Variants in NDST4 observed in about 807,000 individuals in gnomAD.
NDST4 encodes the protein N-heparan sulfate sulfotransferase 4.
In NDST4, 63 loss-of-function variants were observed where a neutral mutation model predicts 100.8. The observed-to-expected ratio is 0.62, with a 90% confidence interval of 0.51 to 0.77. The LOEUF (loss-of-function observed/expected upper bound fraction) is 0.77, where lower values mean the gene tolerates loss of function less well. NDST4 is among the 30% of genes least tolerant of loss of function. The probability of loss-of-function intolerance (pLI) is 0.00; values close to 1 mark genes in which losing one functional copy is unlikely to be tolerated. For synonymous variants in NDST4, 377 were observed against 361.8 expected (o/e 1.04, Z -0.48); for missense variants, 943 against 1,018.4 (o/e 0.93, Z 1.01).
intron 4 of NDST4, among the ~76,000 whole-genome samples, chr4:114,967,987 T>C (rs1031211458): frequency 6.6e-6 from 1 of 152,150 alleles, no homozygotes; most frequent in Non-Finnish European, 1.5e-5. Flanking sequence ...GAAACAGACA[T>C]AGAGAATCTA....
intron 2 of NDST4, among the ~76,000 whole-genome samples, chr4:115,064,044 T>G (rs548648456): frequency 6.6e-6 from 1 of 152,154 alleles, no homozygotes; most frequent in Non-Finnish European, 1.5e-5. Flanking sequence ...CATTACTATG[T>G]AGCTTGTTTT....
chr4:114,925,678 A>C (rs1261097519), intron 6 of NDST4, among the ~76,000 whole-genome samples: 2 of 151,112 alleles, frequency 1.3e-5, no homozygotes, highest in South Asian at 2.1e-4. Flanking sequence ...TGTTCACCTG[A>C]ATTTGCAAGT....
chr4:114,852,798 G>C lies in NDST4; in HGVS notation c.1743C>G (p.His581Gln). The change falls in exon 8 of 14, where the codon CAC becomes CAG. Residue 581 changes from histidine to glutamine, a missense_variant. By Grantham distance (24) the His-to-Gln change is conservative. Coordinates refer to ENST00000264363, the MANE Select transcript of NDST4 (RefSeq NM_022569.3). ...TTTTCTCTCTGGACCAGATGTCTTTGTGTCGTTTATCATCACATGGATTCT... is the reference window on the plus strand; with the variant it reads ...TTTTCTCTCTGGACCAGATGTCTTTCTGTCGTTTATCATCACATGGATTCT... ...LWQNPCDDKR[H>Q]KDIWSREKTC... 2 of 1,612,274 alleles carry C rather than the reference G, an allele frequency of 1.2e-6. No individual in the cohort carries two copies. Among genetic ancestry groups the C allele is most frequent in the Non-Finnish European group, 1.7e-6 (2 of 1,178,968 alleles).
chr4:114,985,009 T>C (rs938955745), intron 2 of NDST4, among the ~76,000 whole-genome samples: 4 of 152,202 alleles, frequency 2.6e-5, no homozygotes, highest in Non-Finnish European at 5.9e-5. Context: ...AAAAAACTTA[T>C]ACCAAGTTTT....
chr4:114,860,395 T>A (rs1723893285), intron 7 of NDST4, among the ~76,000 whole-genome samples: 1 of 152,142 alleles, frequency 6.6e-6, no homozygotes, highest in Non-Finnish European at 1.5e-5. Context: ...ATTATGCAGA[T>A]TCCCAGCTAG....
chr4:115,013,677 G>A (rs1727610688), intron 2 of NDST4, among the ~76,000 whole-genome samples: 1 of 151,736 alleles, frequency 6.6e-6, no homozygotes, highest in African/African-American at 2.4e-5. Flanking sequence ...GCAGTTCCCT[G>A]AACTCATCCT....
chr4:114,970,421 T>G lies in NDST4; in HGVS notation c.1221+9A>C. ...TAGTTCAAAAGATACCACAATAAAA[T>G]GTGCTCACCAGTGCAAATTCCTTGT... On this transcript the variant is annotated intron_variant, in intron 4 of 13. Coordinates refer to ENST00000264363, the MANE Select transcript of NDST4 (RefSeq NM_022569.3). 5 of 1,606,316 alleles carry G rather than the reference T, an allele frequency of 3.1e-6. No homozygotes were observed. The highest frequency in any genetic ancestry group is 4.3e-6 in the Non-Finnish European group (5 of 1,175,478).
rs549488151 is a variant in NDST4 at position 114,938,056 on chromosome 4, G to C, written c.1222-553C>G. On this transcript the variant is annotated intron_variant, in intron 4 of 13. Coordinates refer to ENST00000264363, the MANE Select transcript of NDST4 (RefSeq NM_022569.3). ...GATCTGCTCTGAGTTTTAAGAAGAA[G>C]AACCTAGTGACAGCATGTTAAGATA... Among the ~76,000 whole-genome samples, 4 of 152,300 alleles carry C rather than the reference G, an allele frequency of 2.6e-5. No individual in the cohort carries two copies. In the East Asian group the frequency reaches 7.7e-4, roughly 29 times the overall value.
intron 3 of NDST4, among the ~76,000 whole-genome samples, chr4:114,974,023 GATA>G (rs927906960): frequency 1.7e-4 from 26 of 151,614 alleles, no homozygotes; most frequent in African/African-American, 6.3e-4. Flanking sequence ...TTTACTTTTT[GATA>G]ATATTTGAAT....
At chr4:114,914,007 GGA>G (rs1003218116) in intron 6 of NDST4, among the ~76,000 whole-genome samples, 1 of 152,018 alleles carries the variant, frequency 6.6e-6, no homozygotes, top group Non-Finnish European at 1.5e-5. Context: ...CCATAAAAAT[GGA>G]ATAAGATCCT....
chr4:114,981,326 G>T (rs1340181388), intron 2 of NDST4, among the ~76,000 whole-genome samples: 1 of 152,096 alleles, frequency 6.6e-6, no homozygotes, highest in Admixed American at 6.6e-5. Flanking sequence ...CATACTGTTT[G>T]ATAAAGCAGT....
chr4:115,061,286 G>T (rs1728813532), intron 2 of NDST4, among the ~76,000 whole-genome samples: 1 of 152,044 alleles, frequency 6.6e-6, no homozygotes, highest in African/African-American at 2.4e-5. Flanking sequence ...TATACCCAAA[G>T]AATTAAAAAT....
At chr4:115,097,719 G>C (rs1729649195) in intron 1 of NDST4, among the ~76,000 whole-genome samples, 1 of 152,046 alleles carries the variant, frequency 6.6e-6, no homozygotes, top group African/African-American at 2.4e-5. Flanking sequence ...TCTCTCCTCT[G>C]ATCAACTCCC....
At chr4:114,904,544 G>A (rs1162567687) in intron 6 of NDST4, among the ~76,000 whole-genome samples, 1 of 151,860 alleles carries the variant, frequency 6.6e-6, no homozygotes, top group East Asian at 1.9e-4. Flanking sequence ...ATAAAAATGT[G>A]TGTTTTTATG....
chr4:115,044,690 A>G (rs1261849448), intron 2 of NDST4, among the ~76,000 whole-genome samples: 1 of 146,292 alleles, frequency 6.8e-6, no homozygotes, highest in Non-Finnish European at 1.5e-5. Flanking sequence ...AGTAAAAGTC[A>G]GCAGGAAGGA....
chr4:115,052,650 A>G (rs1432263547), intron 2 of NDST4, among the ~76,000 whole-genome samples: 2 of 152,088 alleles, frequency 1.3e-5, no homozygotes, highest in African/African-American at 2.4e-5. Flanking sequence ...GCCTTCTTTC[A>G]TGATTGTGAG....
intron 4 of NDST4, among the ~76,000 whole-genome samples, chr4:114,937,838 C>G (rs1464392217): frequency 7.4e-6 from 1 of 135,618 alleles, no homozygotes; most frequent in Non-Finnish European, 1.5e-5. Context: ...AGGAAGCGCT[C>G]AAATATGAAG....
intron 2 of NDST4, among the ~76,000 whole-genome samples, chr4:115,073,396 A>G (rs1729117347): frequency 6.6e-6 from 1 of 152,068 alleles, no homozygotes; most frequent in African/African-American, 2.4e-5. Flanking sequence ...TACAATAGCC[A>G]AGATATAGAA....
At chr4:115,075,701 T>C (rs1444995888) in intron 2 of NDST4, among the ~76,000 whole-genome samples, 2 of 141,418 alleles carry the variant, frequency 1.4e-5, no homozygotes, top group Admixed American at 1.5e-4. Context: ...AGAGAATTGC[T>C]TAAACCCAGG....
Sources: gnomAD v4.1 joint callset for allele counts (sites outside exome capture counted in the v4.1 genomes callset) on GRCh38, gnomAD v4.1.1 for gene constraint, MANE v1.5 for transcripts, NCBI Gene and HGNC (gene_info 2026-07-23, HGNC 2026-07-21) for gene names.